CACNA1D: variants seen among roughly 807,000 people sequenced by gnomAD.
The protein encoded by CACNA1D is calcium voltage-gated channel subunit alpha1 D.
CACNA1D carries 55 observed loss-of-function variants against 257.1 expected under a neutral mutation model. The ratio of observed to expected loss-of-function variants is 0.21; its 90% CI spans 0.17 to 0.27. The LOEUF is 0.27. Among genes scored for constraint, CACNA1D ranks in the 10% least tolerant of loss-of-function variants. The pLI is 1.00. For synonymous variants in CACNA1D, 980 were observed against 1,014.9 expected (o/e 0.97, Z 0.65); for missense variants, 1,876 against 2,784.0 (o/e 0.67, Z 7.34).
intron 6 of CACNA1D, 92 bp downstream of exon 6, chr3:53,665,904 A>G (rs942153209): frequency 4.7e-6 from 5 of 1,061,606 alleles, no homozygotes; most frequent in Non-Finnish European, 7.1e-6. Flanking sequence ...CTAAAACAAA[A>G]TAGGAAAAAA....
chr3:53,543,250 T>G (rs779675790), intron 3 of CACNA1D, among the ~76,000 whole-genome samples: 7 of 152,166 alleles, frequency 4.6e-5, no homozygotes, highest in Non-Finnish European at 7.3e-5. Context: ...CTAACCCTTT[T>G]AACTCAAAGC....
At chr3:53,545,390 C>T (rs1360670915) in intron 3 of CACNA1D, among the ~76,000 whole-genome samples, 1 of 151,694 alleles carries the variant, frequency 6.6e-6, no homozygotes, top group Non-Finnish European at 1.5e-5. Flanking sequence ...GAGCATAAGG[C>T]CAGGTTCCCT....
At chr3:53,625,651 T>C (rs1435178684) in intron 3 of CACNA1D, among the ~76,000 whole-genome samples, 1 of 152,242 alleles carries the variant, frequency 6.6e-6, no homozygotes, top group East Asian at 1.9e-4. Flanking sequence ...TGTTCATTTA[T>C]TGTTTTATTA....
chr3:53,507,674 G>A (rs1158328916), intron 3 of CACNA1D, among the ~76,000 whole-genome samples: 1 of 152,100 alleles, frequency 6.6e-6, no homozygotes, highest in Admixed American at 6.5e-5. Context: ...TTCCATAAGA[G>A]GAATTCCAGT....
At chr3:53,805,920 C>A (rs2095561686) in intron 45 of CACNA1D, among the ~76,000 whole-genome samples, 1 of 139,166 alleles carries the variant, frequency 7.2e-6, no homozygotes, top group Non-Finnish European at 1.6e-5. Flanking sequence ...TTCTCCTGCT[C>A]CCTCATCTTC....
At chr3:53,532,854 C>A (rs1004323355) in intron 3 of CACNA1D, among the ~76,000 whole-genome samples, 3 of 152,164 alleles carry the variant, frequency 2.0e-5, no homozygotes, top group Non-Finnish European at 2.9e-5. Context: ...AGCGGTGTGA[C>A]GTTGAGCCTG....
intron 8 of CACNA1D, among the ~76,000 whole-genome samples, chr3:53,674,275 G>C (rs959156133): frequency 6.6e-6 from 1 of 152,188 alleles, no homozygotes; most frequent in African/African-American, 2.4e-5. Context: ...CTGTGAAGGA[G>C]AAATAAGCCT....
chr3:53,649,003 G>A (rs1439479290), intron 3 of CACNA1D, among the ~76,000 whole-genome samples: 1 of 152,218 alleles, frequency 6.6e-6, no homozygotes, highest in Non-Finnish European at 1.5e-5. Context: ...AGTGGAGAAT[G>A]GGGGCAAAGA....
At chr3:53,566,469 A>G (rs2092839164) in intron 3 of CACNA1D, among the ~76,000 whole-genome samples, 1 of 151,796 alleles carries the variant, frequency 6.6e-6, no homozygotes, top group Non-Finnish European at 1.5e-5. Flanking sequence ...CCATAATAGC[A>G]CCCACATTCA....
rs371604022 is a variant in CACNA1D, at chr3:53,811,251, G to A, written c.6331G>A (p.Val2111Met). The change falls in exon 48 of 48, where the codon GTG becomes ATG. Residue 2111 changes from valine to methionine, a missense_variant. Physicochemically the swap from Val to Met is conservative, Grantham distance 21 (BLOSUM62 1). Around this residue, in one of 10 missense-constraint regions of CACNA1D, gnomAD observed 491 missense variants for 554.3 expected, o/e 0.89. Transcript: ENST00000350061. This position sits in a 1 kb window ranked among gnomAD's most constrained non-coding sequence, Gnocchi z 4.2. ...AGCCAGCACCCTGCTTAATGGGAAC[G>A]TGCGTCCCCGAGCCAACGGGGATGT... ...SAASTLLNGN[V>M]RPRANGDVGP... The A allele has an allele frequency of 3.0e-5, 49 of 1,614,010 alleles. No homozygotes were observed. The African/African-American group carries it at 4.3e-4, about 14-fold the overall frequency.
intron 3 of CACNA1D, among the ~76,000 whole-genome samples, chr3:53,571,007 CT>C (rs1223502251): frequency 6.6e-6 from 1 of 152,224 alleles, no homozygotes; most frequent in Non-Finnish European, 1.5e-5. Context: ...GGCAAGTCTG[CT>C]GGCTGCCTCA....
intron 8 of CACNA1D, among the ~76,000 whole-genome samples, chr3:53,680,772 A>G (rs2094422657): frequency 6.6e-6 from 1 of 152,244 alleles, no homozygotes; most frequent in Admixed American, 6.5e-5. Flanking sequence ...TTGGCTTGTG[A>G]GAAACAAATT....
rs116758309 is a variant in CACNA1D at position 53,694,480 on chromosome 3, C to T, written c.1221-8161C>T. On this transcript the variant is annotated intron_variant, in intron 8 of 47. Transcript: ENST00000350061. ...GACCTCCCCGTGAGCCACAGCCCCA[C>T]GGAAGGGACGTAGGATTTGGAGCCT... Among the ~76,000 whole-genome samples, 933 of 152,260 alleles carry T rather than the reference C, an allele frequency of 6.1e-3. 11 individuals are homozygous for T. Among genetic ancestry groups the T allele is most frequent in the African/African-American group, 0.021 (893 of 41,548 alleles).
At chr3:53,803,689 G>A (rs555948613) in intron 44 of CACNA1D, 117 bp downstream of exon 44, 4 of 971,948 alleles carry the variant, frequency 4.1e-6, no homozygotes, top group South Asian at 3.9e-5. Flanking sequence ...AAGCAAAATG[G>A]GAGCAGAAAC....
At position 53,799,153 on chromosome 3, in the gene CACNA1D, G is replaced by C. The variant is rs572195033; in HGVS notation, c.4924-1096G>C. Among the ~76,000 whole-genome samples the C allele has an allele frequency of 8.1e-4, 124 of 152,332 alleles. 1 individual carries two copies. Among genetic ancestry groups the C allele is most frequent in the African/African-American group, 2.6e-3 (108 of 41,576 alleles). The stretch of plus-strand genomic sequence containing the variant: ...AGTGAGGAGGGGCTGCCTGGATACA[G>C]GACCGTAGACCCAGGGCAGAGAGGA... On this transcript the variant is annotated intron_variant, in intron 40 of 47. Transcript: ENST00000350061.
At chr3:53,742,797 T>C (rs1431421791) in intron 21 of CACNA1D, among the ~76,000 whole-genome samples, 1 of 152,246 alleles carries the variant, frequency 6.6e-6, no homozygotes, top group Non-Finnish European at 1.5e-5. Context: ...CCTAAATTGG[T>C]TTCTTCTTTT....
At chr3:53,505,867 A>G (rs755539248) in intron 3 of CACNA1D, among the ~76,000 whole-genome samples, 7 of 152,310 alleles carry the variant, frequency 4.6e-5, no homozygotes, top group Admixed American at 1.3e-4. Flanking sequence ...TGCCTGTGGC[A>G]CCAGATGCCT....
At chr3:53,607,746 A>G (rs1440087132) in intron 3 of CACNA1D, among the ~76,000 whole-genome samples, 1 of 152,166 alleles carries the variant, frequency 6.6e-6, no homozygotes, top group South Asian at 2.1e-4. Flanking sequence ...GTTGAAGTTC[A>G]CTCCTTAACC....
chr3:53,663,797 C>CT (rs764455553), intron 5 of CACNA1D, among the ~76,000 whole-genome samples: 9 of 151,604 alleles, frequency 5.9e-5, no homozygotes, highest in South Asian at 4.2e-4. Context: ...CTCTCTCTCT[C>CT]TTTTTTTTGG....
Sources: gnomAD v4.1 joint callset for allele counts (sites outside exome capture counted in the v4.1 genomes callset) on GRCh38, gnomAD v4.1.1 for gene constraint, gnomAD v4.1.1 regional missense constraint, Gnocchi (gnomAD v3.1) non-coding constraint, MANE v1.5 for transcripts, NCBI Gene and HGNC (gene_info 2026-07-23, HGNC 2026-07-21) for gene names.